Variants in ZNF727 observed in about 807,000 individuals in gnomAD.
The protein encoded by ZNF727 is zinc finger protein 727.
A neutral mutation model predicts 11.5 loss-of-function variants in ZNF727; 11 were observed. The observed-to-expected ratio is 0.95, with a 90% confidence interval of 0.60 to 1.58. ZNF727 has a LOEUF of 1.58. Ranked by LOEUF, ZNF727 falls within the 40% of genes most tolerant of loss-of-function variation. ZNF727 has a pLI of 0.00. For missense variants in ZNF727, 533 were observed against 581.7 expected (o/e 0.92, Z 0.86); for synonymous variants, 171 against 196.1 (o/e 0.87, Z 1.07).
chr7:64,054,838 T>C (rs1206324307), intron 1 of ZNF727, among the ~76,000 whole-genome samples: 1 of 152,182 alleles, frequency 6.6e-6, no homozygotes, highest in African/African-American at 2.4e-5. Context: ...CAACTTTTTG[T>C]CTATTGTGTT....
intron 1 of ZNF727, among the ~76,000 whole-genome samples, chr7:64,050,735 A>C (rs1789580928): frequency 6.6e-6 from 1 of 151,274 alleles, no homozygotes. Context: ...TAGGCCTCAA[A>C]TTTATGTATG....
chr7:64,051,063 T>C lies in ZNF727; in HGVS notation c.3+5439T>C, dbSNP rs143772704. 7.9e-5 allele frequency among the ~76,000 whole-genome samples: 12 copies of C among 152,320 alleles called. No homozygotes were observed. In the East Asian group the frequency reaches 2.3e-3, roughly 29 times the overall value. ...TATTTAATATTTGAACATTTATCTT[T>C]GGAATTTTTGAGTAAATAGTTTTCT... On this transcript the variant is annotated intron_variant, in intron 1 of 3. Transcript: ENST00000456806.
chr7:64,069,120 G>A, intron 2 of ZNF727, 103 bp downstream of exon 2: 2 of 1,300,302 alleles, frequency 1.5e-6, no homozygotes, highest in South Asian at 1.8e-5. Flanking sequence ...TCAGAATCCT[G>A]CTTCAAAAAG....
At chr7:64,063,392 T>C (rs913813656) in intron 1 of ZNF727, among the ~76,000 whole-genome samples, 3 of 152,160 alleles carry the variant, frequency 2.0e-5, no homozygotes, top group Non-Finnish European at 2.9e-5. Flanking sequence ...GGTACCACTT[T>C]GGTGGTCATA....
At chr7:64,049,250 A>G (rs1789555242) in intron 1 of ZNF727, among the ~76,000 whole-genome samples, 1 of 151,844 alleles carries the variant, frequency 6.6e-6, no homozygotes, top group South Asian at 2.1e-4. Flanking sequence ...ACCCCTTAAA[A>G]TTTTCTTTAT....
At chr7:64,067,118 A>G (rs1284286304) in intron 1 of ZNF727, among the ~76,000 whole-genome samples, 1 of 133,382 alleles carries the variant, frequency 7.5e-6, no homozygotes, top group Non-Finnish European at 1.6e-5. Context: ...AAAAGAAGAC[A>G]TTTATGCAGC....
Position 64,078,111 on chromosome 7 carries a change from C to A in ZNF727, c.1062C>A (p.Thr354=). 6.2e-7 allele frequency: 1 copy of A among 1,607,686 alleles called. No individual in the cohort carries two copies. Among genetic ancestry groups the A allele is most frequent in the Non-Finnish European group, 8.5e-7 (1 of 1,176,826 alleles). The part of the protein sequence containing the change: ...ECGKAFTYSS[T]LISHKRIHME... ...GCAAAGCCTTTACCTACTCCTCAAC[C>A]CTTATTAGCCACAAGAGAATTCATA... The change falls in exon 4 of 4, where the codon ACC becomes ACA. Residue 354 remains threonine (T), a synonymous_variant. Coordinates refer to ENST00000456806, the MANE Select transcript of ZNF727 (RefSeq NM_001159522.3).
chr7:64,066,196 A>C (rs1292728431), intron 1 of ZNF727, among the ~76,000 whole-genome samples: 2 of 152,216 alleles, frequency 1.3e-5, no homozygotes, highest in Non-Finnish European at 2.9e-5. Context: ...CATGGATAGG[A>C]AGAATCAGTA....
chr7:64,074,492 T>A (rs1032407304), intron 3 of ZNF727, among the ~76,000 whole-genome samples: 31 of 152,260 alleles, frequency 2.0e-4, no homozygotes, highest in African/African-American at 7.2e-4. Flanking sequence ...AAGCTGTTTT[T>A]AAAAATCTGT....
chr7:64,053,929 G>A (rs1257076928), intron 1 of ZNF727, among the ~76,000 whole-genome samples: 5 of 152,180 alleles, frequency 3.3e-5, no homozygotes, highest in African/African-American at 9.7e-5. Flanking sequence ...AGATAAAAAA[G>A]TTGTGTCTAA....
rs774448066 is a variant in ZNF727 at position 64,083,618 on chromosome 7, T to C, written c.*5069T>C. 9.9e-5 allele frequency among the ~76,000 whole-genome samples: 15 copies of C among 152,190 alleles called. No individual in the cohort carries two copies. Among genetic ancestry groups the C allele is most frequent in the Non-Finnish European group, 2.1e-4 (14 of 68,048 alleles). ...AGCTCTGTGTGTTAAATTGAAGGCC[T>C]TGGTGAAGTGGGTTCCTGAGGGTAT... On this transcript the variant is annotated 3_prime_UTR_variant, in exon 4 of 4. Transcript: ENST00000456806.
At position 64,085,296 on chromosome 7, in the gene ZNF727, A is replaced by G. The variant is rs1341957965; in HGVS notation, c.*6747A>G. The stretch of plus-strand genomic sequence containing the variant: ...TTAGTTATTGATCATTTTACTTTGT[A>G]AAATTGATATAATTGATTTTATTAA... On this transcript the variant is annotated 3_prime_UTR_variant, in exon 4 of 4. Coordinates refer to ENST00000456806, the MANE Select transcript of ZNF727 (RefSeq NM_001159522.3). Among the ~76,000 whole-genome samples, 1 of 152,194 alleles carries G rather than the reference A, an allele frequency of 6.6e-6. No homozygotes were observed. The highest frequency in any genetic ancestry group is 2.4e-5 in the African/African-American group (1 of 41,462).
At chr7:64,059,824 T>C (rs1789742898) in intron 1 of ZNF727, among the ~76,000 whole-genome samples, 1 of 152,210 alleles carries the variant, frequency 6.6e-6, no homozygotes, top group African/African-American at 2.4e-5. Context: ...TAAAAATAAT[T>C]TTAGAAAATT....
intron 3 of ZNF727, among the ~76,000 whole-genome samples, chr7:64,070,801 C>G (rs1789948193): frequency 6.6e-6 from 1 of 152,008 alleles, no homozygotes; most frequent in African/African-American, 2.4e-5. Flanking sequence ...GGGCCTAGCA[C>G]TCACCTCTAT....
rs1785778504 is a variant in ZNF727, at chr7:64,081,016, C to A, written c.*2467C>A. 6.6e-6 allele frequency among the ~76,000 whole-genome samples: 1 copy of A among 151,594 alleles called. No individual in the cohort carries two copies. Among genetic ancestry groups the A allele is most frequent in the African/African-American group, 2.4e-5 (1 of 41,228 alleles). On this transcript the variant is annotated 3_prime_UTR_variant, in exon 4 of 4. Coordinates refer to ENST00000456806, the MANE Select transcript of ZNF727 (RefSeq NM_001159522.3). ...TAACTCTGGGGGAGTTGTATTGAGC[C>A]CCAACTGTGTTCTGTGGCTCCTTGT...
At chr7:64,049,338 T>G (rs1789556329) in intron 1 of ZNF727, among the ~76,000 whole-genome samples, 1 of 152,000 alleles carries the variant, frequency 6.6e-6, no homozygotes, top group South Asian at 2.1e-4. Context: ...TTATGTATTC[T>G]TTAACCTCTA....
intron 1 of ZNF727, among the ~76,000 whole-genome samples, chr7:64,057,236 C>T (rs1233948350): frequency 1.3e-5 from 2 of 152,106 alleles, no homozygotes; most frequent in Non-Finnish European, 2.9e-5. Context: ...TTTAATTAAC[C>T]TTAGGCAGTA....
intron 3 of ZNF727, among the ~76,000 whole-genome samples, chr7:64,075,586 C>A (rs375379465): frequency 7.2e-4 from 109 of 152,172 alleles, no homozygotes; most frequent in African/African-American, 2.5e-3. Context: ...TGTAGCAACA[C>A]TGATGCAGCT....
intron 3 of ZNF727, among the ~76,000 whole-genome samples, chr7:64,073,940 T>C (rs192985759): frequency 3.2e-4 from 48 of 152,308 alleles, no homozygotes; most frequent in Non-Finnish European, 5.4e-4. Context: ...ACAGACTCTA[T>C]TAATTGGACA....
Sources: gnomAD v4.1 joint callset for allele counts (sites outside exome capture counted in the v4.1 genomes callset) on GRCh38, gnomAD v4.1.1 for gene constraint, MANE v1.5 for transcripts, NCBI Gene and HGNC (gene_info 2026-07-23, HGNC 2026-07-21) for gene names.